SNCAIP: variants seen among roughly 807,000 people sequenced by gnomAD.
SNCAIP encodes the protein synuclein alpha interacting protein.
In SNCAIP, 43 loss-of-function variants were observed where a neutral mutation model predicts 86.7. That is an observed-to-expected ratio of 0.50 (90% CI 0.39 to 0.64). SNCAIP has a LOEUF of 0.64. SNCAIP is among the 30% of genes least tolerant of loss of function. The probability of loss-of-function intolerance (pLI) is 0.00; values close to 1 mark genes in which losing one functional copy is unlikely to be tolerated. For missense variants in SNCAIP, 981 were observed against 1,103.1 expected, an observed-to-expected ratio of 0.89 and a Z score of 1.57; for synonymous variants, 417 against 427.2, an observed-to-expected ratio of 0.98 and a Z score of 0.29.
At chr5:122,427,967 C>T (rs961202099) in intron 5 of SNCAIP, among the ~76,000 whole-genome samples, 1 of 152,050 alleles carries the variant, frequency 6.6e-6, no homozygotes, top group African/African-American at 2.4e-5. Context: ...TCTGGGATAC[C>T]CAAGAGTACA....
intron 10 of SNCAIP, among the ~76,000 whole-genome samples, chr5:122,458,572 C>T (rs1235830072): frequency 6.6e-6 from 1 of 152,250 alleles, no homozygotes; most frequent in Non-Finnish European, 1.5e-5. Flanking sequence ...AGACTTTACA[C>T]AGCCACTTTC....
chr5:122,355,276 G>A (rs1760766372), intron 1 of SNCAIP, among the ~76,000 whole-genome samples: 1 of 152,044 alleles, frequency 6.6e-6, no homozygotes, highest in Non-Finnish European at 1.5e-5. Context: ...TTGTTTTAAT[G>A]TCCTTCATAT....
Position 122,441,111 on chromosome 5 carries a change from G to C in SNCAIP, c.1422+357G>C, listed in dbSNP as rs1472887545. On this transcript the variant is annotated intron_variant, in intron 7 of 10. Coordinates refer to ENST00000261368, the MANE Select transcript of SNCAIP (RefSeq NM_005460.4). ...ACATCTGTCTCTCAAGTGGCAGGCT[G>C]CTCTTCCCCTAACTAGTAAATTTCA... The C allele has an allele frequency of 1.2e-5, 3 of 244,532 alleles. No individual in the cohort carries two copies. The Admixed American group carries it at 1.5e-4, about 12-fold the overall frequency. The allele number at this position is 244,532 out of a possible 1,614,324, so 15.1% of individuals were successfully genotyped here. A position where few individuals can be genotyped will look rare whatever the true frequency, so the allele number is the denominator to read the frequency against.
intron 1 of SNCAIP, among the ~76,000 whole-genome samples, chr5:122,345,515 C>T (rs1758426487): frequency 6.6e-6 from 1 of 152,120 alleles, no homozygotes; most frequent in African/African-American, 2.4e-5. Flanking sequence ...TTGGCTGTGG[C>T]TTGGAGAGGA....
At chr5:122,385,573 A>C (rs1767935566) in intron 1 of SNCAIP, among the ~76,000 whole-genome samples, 1 of 151,992 alleles carries the variant, frequency 6.6e-6, no homozygotes, top group Non-Finnish European at 1.5e-5. Context: ...GATCATTTTA[A>C]GTTTTTATAT....
intron 3 of SNCAIP, among the ~76,000 whole-genome samples, chr5:122,404,121 C>G (rs569584860): frequency 6.6e-6 from 1 of 152,122 alleles, no homozygotes; most frequent in Non-Finnish European, 1.5e-5. Flanking sequence ...GAGATCATCT[C>G]GGCATCTCCA....
chr5:122,318,616 C>T lies in SNCAIP; in HGVS notation c.-47+6332C>T, dbSNP rs527986088. 2.0e-5 allele frequency among the ~76,000 whole-genome samples: 3 copies of T among 152,278 alleles called. No homozygotes were observed. In the South Asian group the frequency reaches 6.2e-4, roughly 32 times the overall value. On this transcript the variant is annotated intron_variant, in intron 1 of 10. Transcript: ENST00000261368. ...TCTATTTCCTTTAAATTGATTTTCA[C>T]ATTTGCCTCTTAGGATACTGGGACA...
At chr5:122,427,981 T>G (rs1777681618) in intron 5 of SNCAIP, among the ~76,000 whole-genome samples, 1 of 152,188 alleles carries the variant, frequency 6.6e-6, no homozygotes, top group African/African-American at 2.4e-5. Flanking sequence ...GAGTACATAC[T>G]GTGGGAGTTC....
At position 122,451,001 on chromosome 5, in the gene SNCAIP, C is replaced by G; in HGVS notation, c.2154C>G (p.His718Gln). The G allele has an allele frequency of 6.2e-7, 1 of 1,614,138 alleles. No homozygotes were observed. The highest frequency in any genetic ancestry group is 1.7e-5 in the Admixed American group (1 of 60,026). Reference protein sequence around the residue: ...VESMDSAESLHLMIKKHTLAS... With the variant: ...VESMDSAESLQLMIKKHTLAS... ...GTATGGACAGCGCAGAAAGCCTGCA[C>G]CTGATGATTAAGAAACACACCTTGG... The change falls in exon 10 of 11, where the codon CAC becomes CAG. Residue 718 changes from histidine to glutamine, a missense_variant. His to Gln is a conservative substitution (Grantham distance 24). Coordinates refer to ENST00000261368, the MANE Select transcript of SNCAIP (RefSeq NM_005460.4).
In SNCAIP at chr5:122,451,228, G is replaced by T; in HGVS notation, c.2381G>T (p.Ser794Ile). The T allele has an allele frequency of 6.2e-7, 1 of 1,614,128 alleles. No individual in the cohort carries two copies. The highest frequency in any genetic ancestry group is 8.5e-7 in the Non-Finnish European group (1 of 1,180,028). The change falls in exon 10 of 11, where the codon AGT (serine) becomes ATT (isoleucine). Residue 794 changes from serine (S) to isoleucine (I), a missense_variant. Ser to Ile is a moderately radical substitution (Grantham distance 142, BLOSUM62 -2). Transcript: ENST00000261368. ...ACTGCTGCCCAGAAAGTTGCCACAA[G>T]TCCCAAGAGTGCCCTCAAGTCTCCA... is the stretch of plus-strand genomic sequence containing the variant. ...DSTAAQKVAT[S>I]PKSALKSPSS... is the part of the protein sequence containing the mutation.
In SNCAIP at chr5:122,440,611, C is replaced by A. The variant is rs1445214519; in HGVS notation, c.1297-18C>A. 1.9e-6 allele frequency: 3 copies of A among 1,611,478 alleles called. No individual in the cohort carries two copies. The Admixed American group carries it at 5.0e-5, about 27-fold the overall frequency. On this transcript the variant is annotated intron_variant, in intron 6 of 10. Transcript: ENST00000261368. ...CTGCAAGATATTACATGAATTCCAA[C>A]TGTCTTTGTGTTTATAGGAAAAGAT...
intron 3 of SNCAIP, among the ~76,000 whole-genome samples, chr5:122,415,325 T>C (rs1037694263): frequency 6.6e-6 from 1 of 152,176 alleles, no homozygotes; most frequent in Non-Finnish European, 1.5e-5. Context: ...GTCTTCCATT[T>C]CTCCTCCCCT....
In SNCAIP at chr5:122,462,952, G is replaced by A. The variant is rs1330938056; in HGVS notation, c.2755-539G>A. 3.3e-5 allele frequency among the ~76,000 whole-genome samples: 5 copies of A among 152,268 alleles called. No homozygotes were observed. In the South Asian group the frequency reaches 8.3e-4, roughly 25 times the overall value. Reference sequence around the variant, plus strand: ...TTCCCGCAGACTTAGCAGGTATCAAGTACTGAGGGAAAAGGAGCATATTGT... The same window carrying A: ...TTCCCGCAGACTTAGCAGGTATCAAATACTGAGGGAAAAGGAGCATATTGT... On this transcript the variant is annotated intron_variant, in intron 10 of 10. Coordinates refer to ENST00000261368, the MANE Select transcript of SNCAIP (RefSeq NM_005460.4).
chr5:122,391,142 C>A lies in SNCAIP; in HGVS notation c.8C>A (p.Ala3Asp). The change falls in exon 2 of 11, where the codon GCC (alanine) becomes GAC (aspartate). Residue 3 changes from alanine to aspartate, a missense_variant. Ala to Asp is a moderately radical substitution (Grantham distance 126). Coordinates refer to ENST00000261368, the MANE Select transcript of SNCAIP (RefSeq NM_005460.4). Reference sequence around the variant, plus strand: ...AATGTGCAAGGAAGAATAATGGAAGCCCCTGAATACCTTGATTTGGATGAA... The same window carrying A: ...AATGTGCAAGGAAGAATAATGGAAGACCCTGAATACCTTGATTTGGATGAA... Reference protein sequence around the residue: MEAPEYLDLDEID... With the variant: MEDPEYLDLDEID... 6.2e-7 allele frequency: 1 copy of A among 1,609,334 alleles called. No homozygotes were observed. The highest frequency in any genetic ancestry group is 1.3e-5 in the African/African-American group (1 of 74,934).
chr5:122,386,238 G>C (rs1035836519), intron 1 of SNCAIP, among the ~76,000 whole-genome samples: 1 of 152,144 alleles, frequency 6.6e-6, no homozygotes, highest in Non-Finnish European at 1.5e-5. Context: ...AATATCACCT[G>C]AATATCATAA....
At position 122,423,112 on chromosome 5, in the gene SNCAIP, A is replaced by G; in HGVS notation, c.375A>G (p.Gly125=). Residue 125 remains glycine, a synonymous_variant, in exon 4 of 11, where the codon GGA becomes GGG. Coordinates refer to ENST00000261368, the MANE Select transcript of SNCAIP (RefSeq NM_005460.4). ...CTCAGGAGCTTGGCCCTGGAGATGGAGTGGGCGGCCCACCAGGTAAGAGCT... is the reference window on the plus strand; with the variant it reads ...CTCAGGAGCTTGGCCCTGGAGATGGGGTGGGCGGCCCACCAGGTAAGAGCT... The part of the protein sequence containing the change: ...PQPQELGPGD[G]VGGPPGKSSE... The G allele has an allele frequency of 6.2e-7, 1 of 1,614,120 alleles. No homozygotes were observed. The highest frequency in any genetic ancestry group is 8.5e-7 in the Non-Finnish European group (1 of 1,180,008).
intron 1 of SNCAIP, among the ~76,000 whole-genome samples, chr5:122,369,306 A>G (rs1043555227): frequency 9.2e-5 from 14 of 152,200 alleles, no homozygotes; most frequent in African/African-American, 3.1e-4. Context: ...CTCTGACCCA[A>G]TGTCGCATAA....
chr5:122,403,209 A>G (rs1772200217), intron 2 of SNCAIP, among the ~76,000 whole-genome samples: 1 of 152,170 alleles, frequency 6.6e-6, no homozygotes, highest in African/African-American at 2.4e-5. Flanking sequence ...TGAGCTTTCA[A>G]ACACAGAACC....
At chr5:122,330,182 C>T (rs1033237703) in intron 1 of SNCAIP, among the ~76,000 whole-genome samples, 2 of 132,986 alleles carry the variant, frequency 1.5e-5, no homozygotes, top group African/African-American at 3.0e-5. Context: ...AGTGCAGTGG[C>T]GGGATCTCGG....
Sources: allele counts gnomAD v4.1 joint callset (sites outside exome capture counted in the v4.1 genomes callset), GRCh38; gene constraint gnomAD v4.1.1; transcripts MANE v1.5; gene names NCBI Gene and HGNC (gene_info 2026-07-23, HGNC 2026-07-21).